Variants in CHCHD6 observed in about 807,000 individuals in gnomAD.
CHCHD6 encodes the protein MICOS complex subunit MIC25.
In CHCHD6, 28 loss-of-function variants were observed where a neutral mutation model predicts 32.3. That is an observed-to-expected ratio of 0.87 (90% CI 0.64 to 1.19). CHCHD6 has a LOEUF of 1.19. CHCHD6 is among the 50% of genes most tolerant of loss of function. CHCHD6 has a pLI of 0.00. For missense variants in CHCHD6, 333 were observed against 307.0 expected (o/e 1.08, Z -0.63); for synonymous variants, 122 against 117.5 (o/e 1.04, Z -0.25).
At chr3:126,754,110 C>A in intron 4 of CHCHD6, among the ~76,000 whole-genome samples, 1 of 152,170 alleles carries the variant, frequency 6.6e-6, no homozygotes, top group Non-Finnish European at 1.5e-5. Context: ...GTTAGAGCTG[C>A]AGTTCTTTGG....
chr3:126,943,423 G>C (rs2078591699), intron 6 of CHCHD6, among the ~76,000 whole-genome samples: 1 of 152,196 alleles, frequency 6.6e-6, no homozygotes, highest in African/African-American at 2.4e-5. Flanking sequence ...TCCTCACCTG[G>C]GGTCAGGTTG....
chr3:126,746,699 G>A (rs1295775376), intron 4 of CHCHD6, among the ~76,000 whole-genome samples: 1 of 152,322 alleles, frequency 6.6e-6, no homozygotes, highest in East Asian at 1.9e-4. Flanking sequence ...TCAAGCAGCC[G>A]CGAGGCGGGT....
intron 4 of CHCHD6, among the ~76,000 whole-genome samples, chr3:126,828,951 T>C (rs1222926506): frequency 2.0e-5 from 3 of 152,222 alleles, no homozygotes; most frequent in Non-Finnish European, 4.4e-5. Flanking sequence ...ATTTTTTTCC[T>C]ATTGTTTGCT....
chr3:126,830,568 TG>T (rs1468508106), intron 4 of CHCHD6, among the ~76,000 whole-genome samples: 1 of 152,204 alleles, frequency 6.6e-6, no homozygotes, highest in Admixed American at 6.5e-5. Context: ...CACCTTTCTT[TG>T]GGGTAGAAAC....
chr3:126,855,548 T>G (rs1311741204), intron 5 of CHCHD6, among the ~76,000 whole-genome samples: 1 of 152,164 alleles, frequency 6.6e-6, no homozygotes, highest in East Asian at 1.9e-4. Flanking sequence ...CATATATGCA[T>G]GCTGAGATGG....
chr3:126,866,190 A>G (rs1300078813), intron 5 of CHCHD6, among the ~76,000 whole-genome samples: 2 of 152,168 alleles, frequency 1.3e-5, no homozygotes, highest in Non-Finnish European at 2.9e-5. Context: ...ATGAATTAAT[A>G]TAATATTGCT....
At chr3:126,828,737 G>C (rs1027583650) in intron 4 of CHCHD6, among the ~76,000 whole-genome samples, 4 of 152,186 alleles carry the variant, frequency 2.6e-5, no homozygotes, top group African/African-American at 9.7e-5. Context: ...CTTCAGTCCA[G>C]GGTCTACCTG....
chr3:126,710,939 A>G (rs1018700100), intron 1 of CHCHD6, among the ~76,000 whole-genome samples: 1 of 152,042 alleles, frequency 6.6e-6, no homozygotes, highest in South Asian at 2.1e-4. Flanking sequence ...TGCTTTGGCT[A>G]GGATCTCCAG....
At chr3:126,941,480 A>G (rs1386860788) in intron 6 of CHCHD6, among the ~76,000 whole-genome samples, 6 of 152,178 alleles carry the variant, frequency 3.9e-5, no homozygotes, top group Non-Finnish European at 8.8e-5. Context: ...TTCTCTTTTG[A>G]GGTTGAATTT....
chr3:126,813,854 G>A (rs541603872), intron 4 of CHCHD6, among the ~76,000 whole-genome samples: 1 of 152,204 alleles, frequency 6.6e-6, no homozygotes, highest in Non-Finnish European at 1.5e-5. Flanking sequence ...AAGCATCAGT[G>A]AATTGGAGGA....
At chr3:126,865,199 TTCTTCCTCCTCCTCC>T (rs1311670009) in intron 5 of CHCHD6, among the ~76,000 whole-genome samples, 1 of 104,682 alleles carries the variant, frequency 9.6e-6, no homozygotes. Flanking sequence ...CCACCTCCAC[TTCTTCCTCCTCCTCC>T]TCCTCCACCA....
rs138931447 is a variant in CHCHD6, at chr3:126,832,566, G to A, written c.412-20081G>A. Among the ~76,000 whole-genome samples, 533 of 152,276 alleles carry A rather than the reference G, an allele frequency of 3.5e-3. 3 individuals are homozygous for A. Among genetic ancestry groups the A allele is most frequent in the Middle Eastern group, 6.8e-3 (2 of 294 alleles). ...GCTTAAACCTCTCAGATTCTGAGCC[G>A]TGAAGTCCTCAGGGCCTGTTTTACA... On this transcript the variant is annotated intron_variant, in intron 4 of 7. Coordinates refer to ENST00000290913, the MANE Select transcript of CHCHD6 (RefSeq NM_032343.3).
chr3:126,860,264 C>T (rs1369580137), intron 5 of CHCHD6, among the ~76,000 whole-genome samples: 1 of 152,142 alleles, frequency 6.6e-6, no homozygotes, highest in African/African-American at 2.4e-5. Flanking sequence ...AAGAGGCCCA[C>T]CTTCCACCGT....
At chr3:126,794,168 CTG>C (rs1344744006) in intron 4 of CHCHD6, among the ~76,000 whole-genome samples, 4 of 151,956 alleles carry the variant, frequency 2.6e-5, no homozygotes, top group Non-Finnish European at 5.9e-5. Context: ...ATCATTATTT[CTG>C]CAAGTATTTT....
chr3:126,910,946 G>A (rs2078080824), intron 5 of CHCHD6, among the ~76,000 whole-genome samples: 1 of 152,066 alleles, frequency 6.6e-6, no homozygotes, highest in Admixed American at 6.5e-5. Context: ...AGAGGAGTAG[G>A]GATAGGGCTG....
chr3:126,957,867 G>A (rs892288722), intron 7 of CHCHD6: 36 of 454,172 alleles, frequency 7.9e-5, no homozygotes, highest in Middle Eastern at 1.2e-3. Flanking sequence ...TGTGGGTGCC[G>A]GGGACTTCTT....
intron 4 of CHCHD6, among the ~76,000 whole-genome samples, chr3:126,791,376 A>G (rs560221437): frequency 1.3e-5 from 2 of 152,326 alleles, no homozygotes; most frequent in African/African-American, 4.8e-5. Flanking sequence ...TTAAGTCTGC[A>G]GAGTTTTCTG....
At chr3:126,898,569 G>A (rs1023467523) in intron 5 of CHCHD6, among the ~76,000 whole-genome samples, 4 of 152,106 alleles carry the variant, frequency 2.6e-5, no homozygotes, top group Non-Finnish European at 1.5e-5. Context: ...GGAGTTTCTC[G>A]CTCTTGTTCC....
chr3:126,878,178 C>T (rs2077564462), intron 5 of CHCHD6, among the ~76,000 whole-genome samples: 1 of 152,198 alleles, frequency 6.6e-6, no homozygotes, highest in Admixed American at 6.5e-5. Flanking sequence ...AATATGAATT[C>T]AGGGTTTTAA....
Sources: gnomAD v4.1 joint callset for allele counts (sites outside exome capture counted in the v4.1 genomes callset) on GRCh38, gnomAD v4.1.1 for gene constraint, MANE v1.5 for transcripts, NCBI Gene and HGNC (gene_info 2026-07-23, HGNC 2026-07-21) for gene names.